SLC38A1: variants seen among roughly 807,000 people sequenced by gnomAD.
The protein encoded by SLC38A1 is solute carrier family 38 member 1, also known as sodium-coupled neutral amino acid symporter 1.
A neutral mutation model predicts 60.3 loss-of-function variants in SLC38A1; 18 were observed. The observed-to-expected ratio is 0.30, with a 90% CI of 0.21 to 0.44. The LOEUF is 0.44. Among genes scored for constraint, SLC38A1 ranks in the 20% least tolerant of loss-of-function variants. The probability of loss-of-function intolerance (pLI) is 1.00; values close to 1 mark genes in which losing one functional copy is unlikely to be tolerated. For synonymous variants in SLC38A1, 196 were observed against 212.1 expected, an observed-to-expected ratio of 0.92 and a Z score of 0.66; for missense variants, 448 against 587.2, an observed-to-expected ratio of 0.76 and a Z score of 2.45.
In SLC38A1 at chr12:46,204,338, T is replaced by C; in HGVS notation, c.785A>G (p.Asp262Gly). Residue 262 changes from aspartate (D) to glycine (G), a missense_variant, in exon 11 of 17, where the codon GAC (aspartate) becomes GGC (glycine). By Grantham distance (94) the Asp-to-Gly change is moderately conservative (BLOSUM62 -1). This residue lies in a region of SLC38A1 where 346 missense variants were observed against 497.5 expected (regional missense o/e 0.70). Transcript: ENST00000398637. ...GGTAACATATTTTGGCGTACACGTG[T>C]CAGCATTTGTTGAATTAGCACTTAT... ...STISANSTNA[D>G]TCTPKYVTFN... is the part of the protein sequence containing the mutation. The C allele has an allele frequency of 1.9e-6, 3 of 1,613,470 alleles. No homozygotes were observed. Among genetic ancestry groups the C allele is most frequent in the Non-Finnish European group, 2.5e-6 (3 of 1,179,478 alleles).
rs764691848 is a variant in SLC38A1, at chr12:46,206,093, G to C, written c.633C>G (p.Leu211=). ...ATCTGTCCTTACCTAAGTTCTTCAA[G>C]AGACACAGAGGGAGAATTATGCCAA... The part of the protein sequence containing the change: ...VTFGIILPLC[L]LKNLGYLGYT... Residue 211 remains leucine, a synonymous_variant, in exon 9 of 17, where the codon CTC becomes CTG. Transcript: ENST00000398637. 8.1e-6 allele frequency: 13 copies of C among 1,609,368 alleles called. No homozygotes were observed. The South Asian group carries it at 1.3e-4, about 16-fold the overall frequency.
intron 1 of SLC38A1, among the ~76,000 whole-genome samples, chr12:46,263,839 G>T (rs890381173): frequency 6.6e-6 from 1 of 152,192 alleles, no homozygotes; most frequent in Non-Finnish European, 1.5e-5. Flanking sequence ...TCAACAAATG[G>T]TTGGTTTAGT....
chr12:46,221,007 C>T (rs1180668272), intron 5 of SLC38A1, among the ~76,000 whole-genome samples: 4 of 152,126 alleles, frequency 2.6e-5, no homozygotes, highest in Non-Finnish European at 4.4e-5. Flanking sequence ...TTGTAAAACA[C>T]TAAATTTAAA....
At chr12:46,214,392 G>A (rs1480735910) in intron 5 of SLC38A1, among the ~76,000 whole-genome samples, 1 of 152,092 alleles carries the variant, frequency 6.6e-6, no homozygotes, top group Non-Finnish European at 1.5e-5. Flanking sequence ...TTTGAAAAAC[G>A]TTATTTGTCA....
chr12:46,188,792 G>A lies in SLC38A1; in HGVS notation c.*178C>T. 2.1e-6 allele frequency: 1 copy of A among 477,894 alleles called. No homozygotes were observed. 29.6% of individuals were successfully genotyped at this position (477,894 alleles called of 1,614,324 possible). On this transcript the variant is annotated 3_prime_UTR_variant, in exon 17 of 17. Transcript: ENST00000398637. Reference sequence around the variant, plus strand: ...CCTAAATTGATCTCAAATCTTGGAGGGACATGAAGCATTATAGAACCATGT... The same window carrying A: ...CCTAAATTGATCTCAAATCTTGGAGAGACATGAAGCATTATAGAACCATGT...
intron 16 of SLC38A1, among the ~76,000 whole-genome samples, chr12:46,192,638 G>A (rs970103548): frequency 4.6e-5 from 7 of 152,030 alleles, no homozygotes; most frequent in Non-Finnish European, 1.0e-4. Context: ...CAGAGATTCA[G>A]CTTCTTCCTG....
chr12:46,232,831 C>T (rs1941125804), intron 3 of SLC38A1, among the ~76,000 whole-genome samples: 1 of 152,142 alleles, frequency 6.6e-6, no homozygotes, highest in African/African-American at 2.4e-5. Context: ...CTCTAGACTA[C>T]TTATAATACC....
chr12:46,238,668 T>A (rs907229714), intron 3 of SLC38A1, among the ~76,000 whole-genome samples: 33 of 152,268 alleles, frequency 2.2e-4, no homozygotes, highest in African/African-American at 4.6e-4. Context: ...ATCATTTTTT[T>A]AAAAAGACAT....
intron 3 of SLC38A1, among the ~76,000 whole-genome samples, chr12:46,235,784 A>G (rs1401049977): frequency 1.3e-5 from 2 of 152,224 alleles, no homozygotes; most frequent in African/African-American, 4.8e-5. Context: ...AATTCTTTTA[A>G]AAACAAATCT....
intron 1 of SLC38A1, among the ~76,000 whole-genome samples, chr12:46,244,340 T>C (rs1463929897): frequency 2.0e-5 from 3 of 152,244 alleles, no homozygotes; most frequent in Non-Finnish European, 2.9e-5. Context: ...GGCAGCCTAA[T>C]TGCTAACACT....
chr12:46,221,261 A>G (rs909179186), intron 5 of SLC38A1, among the ~76,000 whole-genome samples: 1 of 152,196 alleles, frequency 6.6e-6, no homozygotes. Flanking sequence ...TGAACAATCC[A>G]CCAAAGTGAA....
intron 3 of SLC38A1, among the ~76,000 whole-genome samples, chr12:46,236,527 T>C (rs959631097): frequency 7.2e-5 from 11 of 152,138 alleles, no homozygotes; most frequent in Non-Finnish European, 1.6e-4. Context: ...AGATCTATGA[T>C]AGAGCTGGGA....
chr12:46,254,509 T>C (rs1015641519), intron 1 of SLC38A1, among the ~76,000 whole-genome samples: 1 of 152,226 alleles, frequency 6.6e-6, no homozygotes, highest in African/African-American at 2.4e-5. Flanking sequence ...CTCTGCTCCA[T>C]AGAAGGAATC....
chr12:46,195,573 C>A (rs568688073), intron 16 of SLC38A1, among the ~76,000 whole-genome samples: 126 of 152,330 alleles, frequency 8.3e-4, no homozygotes, highest in African/African-American at 2.9e-3. Flanking sequence ...AGGCAGTAGG[C>A]CCTGCTGAGC....
At position 46,216,859 on chromosome 12, in the gene SLC38A1, CA is replaced by C. The variant is rs112861910; in HGVS notation, c.315-7733del. Among the ~76,000 whole-genome samples the C allele has an allele frequency of 2.3e-3, 311 of 135,364 alleles. 3 individuals are homozygous for C. The highest frequency in any genetic ancestry group is 0.014 in the East Asian group (67 of 4,886). The allele number at this position is 135,364 out of a possible 152,430, so 88.8% of individuals were successfully genotyped here. A position where few individuals can be genotyped will look rare whatever the true frequency, so the allele number is the denominator to read the frequency against. On this transcript the variant is annotated intron_variant, in intron 5 of 16. Transcript: ENST00000398637. ...TGGGTGACAGAGTGAGATGCCGTTT[CA>C]AAAAAAAAAAATCCTTTGTTTAATG...
intron 16 of SLC38A1, chr12:46,196,099 ATTTC>A (rs1450446755): frequency 1.3e-6 from 2 of 1,522,150 alleles, no homozygotes; most frequent in Non-Finnish European, 1.8e-6. Flanking sequence ...AACCTCAGGT[ATTTC>A]TTTATTAGCA....
intron 5 of SLC38A1, among the ~76,000 whole-genome samples, chr12:46,228,860 A>T (rs568723568): frequency 2.6e-4 from 39 of 152,324 alleles, no homozygotes; most frequent in African/African-American, 9.4e-4. Context: ...TTAAAGTCAC[A>T]GGTAGACTCC....
chr12:46,236,289 A>G (rs1165921863), intron 3 of SLC38A1, among the ~76,000 whole-genome samples: 3 of 152,178 alleles, frequency 2.0e-5, no homozygotes, highest in African/African-American at 7.2e-5. Context: ...AGTAGGATAT[A>G]AATAAGTCCC....
At chr12:46,261,977 G>A (rs1356447918) in intron 1 of SLC38A1, among the ~76,000 whole-genome samples, 1 of 152,192 alleles carries the variant, frequency 6.6e-6, no homozygotes, top group Admixed American at 6.6e-5. Context: ...GCACAGGACA[G>A]CCACACACAA....
Sources: allele counts gnomAD v4.1 joint callset (sites outside exome capture counted in the v4.1 genomes callset), GRCh38; gene constraint gnomAD v4.1.1; regional missense constraint gnomAD v4.1.1; transcripts MANE v1.5; gene names NCBI Gene and HGNC (gene_info 2026-07-23, HGNC 2026-07-21).